DMD: variants seen among roughly 807,000 people sequenced by gnomAD.
DMD encodes dystrophin.
Under a neutral mutation model 330.1 loss-of-function variants are expected in DMD, and 63 were observed. That is an observed-to-expected ratio of 0.19 (90% CI 0.16 to 0.24). The LOEUF (loss-of-function observed/expected upper bound fraction) is 0.24. Among genes scored for constraint, DMD ranks in the 10% least tolerant of loss-of-function variants. DMD has a pLI of 1.00. For missense variants in DMD, 3,344 were observed against 2,684.1 expected (o/e 1.25, Z -5.43); for synonymous variants, 1,223 against 959.8 (o/e 1.27, Z -5.07).
intron 47 of DMD, among the ~76,000 whole-genome samples, chrX:31,888,811 A>G (rs1319537366): frequency 8.9e-6 from 1 of 112,527 alleles, no homozygotes; most frequent in African/African-American, 3.2e-5. Context: ...ATAAATCCAT[A>G]TACAATGTAA....
At chrX:31,891,266 C>T (rs2094245500) in intron 47 of DMD, among the ~76,000 whole-genome samples, 1 of 111,053 alleles carries the variant, frequency 9.0e-6, no homozygotes, top group African/African-American at 3.3e-5. Context: ...GGGTTGGTCT[C>T]TTCCTGCTGG....
intron 21 of DMD, among the ~76,000 whole-genome samples, chrX:32,481,810 G>T (rs747010089): frequency 7.1e-4 from 79 of 111,861 alleles, no homozygotes; most frequent in African/African-American, 2.4e-3. Context: ...TAAGCTCCAT[G>T]AAGACATATT....
intron 62 of DMD, among the ~76,000 whole-genome samples, chrX:31,284,860 A>ACC (rs2053069706): frequency 9.5e-6 from 1 of 104,995 alleles, no homozygotes; most frequent in East Asian, 2.9e-4. Context: ...ACACACACAC[A>ACC]CACCCACACC....
intron 44 of DMD, among the ~76,000 whole-genome samples, chrX:32,170,507 A>C (rs1227047819): frequency 9.3e-6 from 1 of 108,089 alleles, no homozygotes; most frequent in Admixed American, 1.0e-4. Flanking sequence ...TATTATTACT[A>C]TAAGAATAAA....
chrX:32,096,603 G>C (rs896485184), intron 44 of DMD, among the ~76,000 whole-genome samples: 11 of 109,239 alleles, frequency 1.0e-4, no homozygotes, highest in African/African-American at 3.7e-4. Context: ...TTTATTCACA[G>C]TGACGGGCCT....
At chrX:32,690,214 A>C (rs1315559331) in intron 9 of DMD, among the ~76,000 whole-genome samples, 1 of 111,674 alleles carries the variant, frequency 9.0e-6, no homozygotes, top group African/African-American at 3.2e-5. Context: ...TGTAGGATAC[A>C]AAATCATCAT....
At chrX:31,733,299 C>A (rs1012519127) in intron 51 of DMD, among the ~76,000 whole-genome samples, 1 of 111,417 alleles carries the variant, frequency 9.0e-6, no homozygotes, top group Non-Finnish European at 1.9e-5. Flanking sequence ...GACAAAATTA[C>A]AATTTTTTAT....
intron 37 of DMD, among the ~76,000 whole-genome samples, chrX:32,354,660 T>C (rs776895260): frequency 3.6e-5 from 4 of 111,765 alleles, no homozygotes; most frequent in Admixed American, 2.9e-4. Context: ...TGACATTTCA[T>C]TGGTTGCATT....
chrX:31,349,316 C>A (rs1393129862), intron 60 of DMD, among the ~76,000 whole-genome samples: 1 of 111,913 alleles, frequency 8.9e-6, no homozygotes, highest in Admixed American at 9.4e-5. Flanking sequence ...GTGGCGCATG[C>A]CTGTAGTCCC....
At chrX:31,178,887 A>G in intron 69 of DMD, 82 bp from the exon 70 acceptor site, 1 of 1,093,559 alleles carries the variant, frequency 9.1e-7, no homozygotes, top group Non-Finnish European at 1.3e-6. Flanking sequence ...CTGCCCCATG[A>G]CACTTGTTTT....
chrX:31,225,388 C>G (rs983090347), intron 63 of DMD, among the ~76,000 whole-genome samples: 2 of 112,204 alleles, frequency 1.8e-5, no homozygotes, highest in Non-Finnish European at 3.8e-5. Context: ...GTTAGACGGG[C>G]CTGTGTAGTG....
chrX:31,338,775 C>T (rs183429501), intron 61 of DMD, among the ~76,000 whole-genome samples: 97 of 110,107 alleles, frequency 8.8e-4, no homozygotes, highest in African/African-American at 3.1e-3. Flanking sequence ...GTGCTAAATC[C>T]GGGAAAGTCC....
chrX:31,933,712 G>T (rs1344845627), intron 45 of DMD, among the ~76,000 whole-genome samples: 2 of 111,853 alleles, frequency 1.8e-5, no homozygotes, highest in African/African-American at 6.5e-5. Context: ...TGCAGTCACT[G>T]CCTCCAAGTA....
chrX:31,671,157 C>G (rs1003918918), intron 53 of DMD, among the ~76,000 whole-genome samples: 5 of 112,101 alleles, frequency 4.5e-5, no homozygotes, highest in African/African-American at 1.6e-4. Flanking sequence ...CGTGATCCAA[C>G]TGCCTCGGCC....
Position 32,668,554 on chromosome X carries a change from C to T in DMD, c.961-23402G>A, listed in dbSNP as rs182382320. ...GTAGAAGGTGCTAAAAACTTGGCAT[C>T]AGGAGACAGAGTCCTACTGATCAGC... is the stretch of plus-strand genomic sequence containing the variant. On this transcript the variant is annotated intron_variant, in intron 9 of 78. Transcript: ENST00000357033. Among the ~76,000 whole-genome samples, 15 of 112,015 alleles carry T rather than the reference C, an allele frequency of 1.3e-4. No homozygotes were observed. The East Asian group carries it at 4.2e-3, about 31-fold the overall frequency.
chrX:33,147,672 C>G (rs1206074962), intron 1 of DMD, among the ~76,000 whole-genome samples: 2 of 111,404 alleles, frequency 1.8e-5, no homozygotes, highest in African/African-American at 3.3e-5. Flanking sequence ...ATATGATTCA[C>G]TACACCTTCT....
At chrX:32,620,339 A>G (rs1198130312) in intron 11 of DMD, among the ~76,000 whole-genome samples, 1 of 111,799 alleles carries the variant, frequency 8.9e-6, no homozygotes. Context: ...AATAAAATAT[A>G]AAAGATAATG....
At chrX:31,475,055 C>T (rs1432602184) in intron 59 of DMD, among the ~76,000 whole-genome samples, 2 of 111,322 alleles carry the variant, frequency 1.8e-5, no homozygotes, top group Non-Finnish European at 3.8e-5. Context: ...TAGTTTGAAA[C>T]ACGCATAAAA....
chrX:31,919,035 C>T (rs180986408), intron 47 of DMD, among the ~76,000 whole-genome samples: 100 of 111,771 alleles, frequency 8.9e-4, no homozygotes, highest in Non-Finnish European at 1.7e-3. Flanking sequence ...TATTAATTTT[C>T]CTGTTTTGTG....
Sources: allele counts gnomAD v4.1 joint callset (sites outside exome capture counted in the v4.1 genomes callset), GRCh38; gene constraint gnomAD v4.1.1; transcripts MANE v1.5; gene names NCBI Gene and HGNC (gene_info 2026-07-23, HGNC 2026-07-21).